Variants in SHISA4 observed in about 807,000 individuals in gnomAD.
The protein encoded by SHISA4 is protein shisa-4.
Under a neutral mutation model 24.2 loss-of-function variants are expected in SHISA4, and 16 were observed. The observed-to-expected ratio is 0.66, with a 90% CI of 0.45 to 1.00. SHISA4 has a LOEUF of 1.00. Ranked by LOEUF, SHISA4 falls within the 50% of genes least tolerant of loss-of-function variation. The pLI, the probability that SHISA4 is intolerant of heterozygous loss-of-function variation, is 0.00. For missense variants in SHISA4, 238 were observed against 258.9 expected (o/e 0.92, Z 0.55); for synonymous variants, 106 against 105.4 (o/e 1.01, Z -0.04).
Position 201,892,226 on chromosome 1 carries a change from G to A in SHISA4, c.*380G>A. 1 of 268,232 alleles carries A rather than the reference G, an allele frequency of 3.7e-6. No individual in the cohort carries two copies. The highest frequency in any genetic ancestry group is 7.2e-6 in the Non-Finnish European group (1 of 139,688). 16.6% of individuals were successfully genotyped at this position (268,232 alleles called of 1,614,324 possible). A position where few individuals can be genotyped will look rare whatever the true frequency, so the allele number is the denominator to read the frequency against. On this transcript the variant is annotated 3_prime_UTR_variant, in exon 5 of 5. Transcript: ENST00000362011. The stretch of plus-strand genomic sequence containing the variant: ...GGGGAGGGAGGAGGTTCCGTCAGCA[G>A]CTGGCAGTAGCCCTCCTCTCTGGCT...
At chr1:201,890,360 A>G in intron 2 of SHISA4, 94 bp from the exon 3 acceptor site, 1 of 1,516,430 alleles carries the variant, frequency 6.6e-7, no homozygotes, top group African/African-American at 1.4e-5. Context: ...TCAGCATGCC[A>G]TGGCCCCCCT....
In SHISA4 at chr1:201,891,350, G is replaced by A. The variant is rs774239710; in HGVS notation, c.380-51G>A. 94 of 1,610,046 alleles carry A rather than the reference G, an allele frequency of 5.8e-5. 1 individual carries two copies. In the South Asian group the frequency reaches 9.1e-4, roughly 16 times the overall value. On this transcript the variant is annotated intron_variant, in intron 3 of 4. Coordinates refer to ENST00000362011, the MANE Select transcript of SHISA4 (RefSeq NM_198149.3). ...TTGGTTTCCTGGGCAGGAGGAGGAG[G>A]CTTCCCATAGGAGATGGGTCTCTGA...
intron 4 of SHISA4, 86 bp from the exon 5 acceptor site, chr1:201,891,714 G>T: frequency 6.4e-7 from 1 of 1,564,504 alleles, no homozygotes; most frequent in Non-Finnish European, 8.8e-7. Context: ...TCTTCCCTAT[G>T]GGTCCTGTCT....
Position 201,891,478 on chromosome 1 carries a change from C to G in SHISA4, c.457C>G (p.Pro153Ala). The change falls in exon 4 of 5, where the codon CCC (proline) becomes GCC (alanine). Residue 153 changes from proline to alanine, a missense_variant. Transcript: ENST00000362011. ...YPQDPKAGPA[P>A]PQPGFIYPPS... ...CCAGGACCCCAAAGCTGGCCCTGCA[C>G]CCCCACAGCCTGGCTTCATATACCC... The G allele has an allele frequency of 6.2e-7, 1 of 1,613,804 alleles. No homozygotes were observed. Among genetic ancestry groups the G allele is most frequent in the Non-Finnish European group, 8.5e-7 (1 of 1,179,854 alleles).
rs1218901188 is a variant in SHISA4 at position 201,889,384 on chromosome 1, G to C, written c.74-61G>C. The C allele has an allele frequency of 5.6e-6, 9 of 1,594,786 alleles. No individual in the cohort carries two copies. The Admixed American group carries it at 1.5e-4, about 27-fold the overall frequency. On this transcript the variant is annotated intron_variant, in intron 1 of 4. Transcript: ENST00000362011. The stretch of plus-strand genomic sequence containing the variant: ...TGGGGACCGCCGGGGGAGTGGGGCC[G>C]AGCGCGGCTGGGGATGAACTGGCCT...
At chr1:201,888,853 C>A (rs115570001), upstream of SHISA4, 1 of 458,036 alleles carries the variant, frequency 2.2e-6, no homozygotes, top group Non-Finnish European at 3.6e-6. Context: ...GCGGGCGGGG[C>A]GCTTAGTCCC....
chr1:201,889,980 A>G (rs1681062871), intron 2 of SHISA4, among the ~76,000 whole-genome samples: 1 of 152,146 alleles, frequency 6.6e-6, no homozygotes, highest in African/African-American at 2.4e-5. Flanking sequence ...CTTGGGTTTG[A>G]TTCCCAGGTC....
At chr1:201,889,662 T>C (rs746589146) in intron 2 of SHISA4, 46 bp downstream of exon 2, 2 of 1,596,926 alleles carry the variant, frequency 1.3e-6, no homozygotes, top group Non-Finnish European at 1.7e-6. Flanking sequence ...TATCCTTTTC[T>C]CCAGAGGCCT....
Position 201,892,563 on chromosome 1 carries a change from T to C in SHISA4, c.*717T>C, listed in dbSNP as rs893234499. Among the ~76,000 whole-genome samples, 2 of 152,204 alleles carry C rather than the reference T, an allele frequency of 1.3e-5. No homozygotes were observed. The highest frequency in any genetic ancestry group is 4.8e-5 in the African/African-American group (2 of 41,454). Reference sequence around the variant, plus strand: ...CGTTTGCACTACAGATATTCCCTGCTAGGGATCAACAGCTCTACAACAGCT... The same window carrying C: ...CGTTTGCACTACAGATATTCCCTGCCAGGGATCAACAGCTCTACAACAGCT... On this transcript the variant is annotated 3_prime_UTR_variant, in exon 5 of 5. Coordinates refer to ENST00000362011, the MANE Select transcript of SHISA4 (RefSeq NM_198149.3).
At chr1:201,890,036 A>G (rs1344132058) in intron 2 of SHISA4, among the ~76,000 whole-genome samples, 1 of 152,112 alleles carries the variant, frequency 6.6e-6, no homozygotes, top group Non-Finnish European at 1.5e-5. Flanking sequence ...CTTGCCTTCT[A>G]TGGGTCATTG....
At chr1:201,889,705 C>T (rs1681057214) in intron 2 of SHISA4, 89 bp downstream of exon 2, 1 of 1,450,568 alleles carries the variant, frequency 6.9e-7, no homozygotes, top group Non-Finnish European at 9.5e-7. Flanking sequence ...CTGCCTCCTC[C>T]GTTGTCGACC....
At chr1:201,890,655 A>T in intron 3 of SHISA4, 68 bp downstream of exon 3, 1 of 1,582,092 alleles carries the variant, frequency 6.3e-7, no homozygotes, top group Non-Finnish European at 8.6e-7. Context: ...GGCAGCAGAG[A>T]GTTCATGGAT....
Position 201,892,192 on chromosome 1 carries a change from C to T in SHISA4, c.*346C>T, listed in dbSNP as rs1681114253. On this transcript the variant is annotated 3_prime_UTR_variant, in exon 5 of 5. Coordinates refer to ENST00000362011, the MANE Select transcript of SHISA4 (RefSeq NM_198149.3). ...GGCCCTACTGTTTGTCCCCTCTGGG[C>T]TGGGGTGGGGGGAGGGAGGAGGTTC... The T allele has an allele frequency of 1.2e-5, 2 of 163,086 alleles. No homozygotes were observed. The highest frequency in any genetic ancestry group is 5.9e-5 in the African/African-American group (1 of 16,812). The allele number at this position is 163,086 out of a possible 1,614,324, so 10.1% of individuals were successfully genotyped here.
chr1:201,889,617 G>A lies in SHISA4; in HGVS notation c.245+1G>A. 3 of 1,612,344 alleles carry A rather than the reference G, an allele frequency of 1.9e-6. No individual in the cohort carries two copies. Among genetic ancestry groups the A allele is most frequent in the African/African-American group, 1.3e-5 (1 of 74,634 alleles). ...AGCAGAAGCACTGCCTGGCCTTCAG[G>A]TGGGTTCCTGCCTCCTCACCCTCAC... On this transcript the variant is annotated splice_donor_variant, in intron 2 of 4. Coordinates refer to ENST00000362011, the MANE Select transcript of SHISA4 (RefSeq NM_198149.3). LOFTEE classifies it high-confidence loss of function.
chr1:201,891,303 G>A, intron 3 of SHISA4, 98 bp from the exon 4 acceptor site: 1 of 1,470,086 alleles, frequency 6.8e-7, no homozygotes, highest in South Asian at 1.2e-5. Flanking sequence ...GCTTGCCAGA[G>A]GCCAGCACCA....
rs1166984136 is a variant in SHISA4 at position 201,891,886 on chromosome 1, A to C, written c.*40A>C. 1 of 1,609,780 alleles carries C rather than the reference A, an allele frequency of 6.2e-7. No homozygotes were observed. Among genetic ancestry groups the C allele is most frequent in the East Asian group, 2.2e-5 (1 of 44,828 alleles). On this transcript the variant is annotated 3_prime_UTR_variant, in exon 5 of 5. Coordinates refer to ENST00000362011, the MANE Select transcript of SHISA4 (RefSeq NM_198149.3). Reference sequence around the variant, plus strand: ...CTCTGCTGCCCCTTCAGTGATGCCAACCTTGGGAGATGCCCTCATCCTGTA... The same window carrying C: ...CTCTGCTGCCCCTTCAGTGATGCCACCCTTGGGAGATGCCCTCATCCTGTA...
At chr1:201,891,096 G>C (rs1224456945) in intron 3 of SHISA4, among the ~76,000 whole-genome samples, 3 of 152,156 alleles carry the variant, frequency 2.0e-5, no homozygotes, top group African/African-American at 7.2e-5. Context: ...CTGGATTACA[G>C]GATACCAGCC....
chr1:201,890,583 T>C lies in SHISA4; in HGVS notation c.375T>C (p.Phe125=), dbSNP rs750055936. ...GGCGCCAGCAGCTCCAGAGCCCATT[T>C]GAAGGTACACCCAGTACTGGGCAAG... ...YRRRQQLQSP[F]EGQEIPMTGI... is the part of the protein sequence containing the mutation. The change falls in exon 3 of 5, where the codon TTT becomes TTC. Residue 125 remains phenylalanine, a synonymous_variant. Transcript: ENST00000362011. 13 of 1,614,058 alleles carry C rather than the reference T, an allele frequency of 8.1e-6. No homozygotes were observed. The East Asian group carries it at 2.7e-4, about 33-fold the overall frequency.
Position 201,889,021 on chromosome 1 carries a change from C to A in SHISA4, c.27C>A (p.Ala9=). ...TGCCACCCGCGGGGCTCCGCCGGGC[C>A]GCGCCGCTCACCGCAATCGCTCTGT... MPPAGLRR[A]APLTAIALLV... The change falls in exon 1 of 5, where the codon GCC becomes GCA. Residue 9 remains alanine, a synonymous_variant. Transcript: ENST00000362011. 1 of 1,381,562 alleles carries A rather than the reference C, an allele frequency of 7.2e-7. No individual in the cohort carries two copies. Among genetic ancestry groups the A allele is most frequent in the Non-Finnish European group, 9.4e-7 (1 of 1,068,140 alleles). The allele number at this position is 1,381,562 out of a possible 1,614,324, so 85.6% of individuals were successfully genotyped here. A position where few individuals can be genotyped will look rare whatever the true frequency, so the allele number is the denominator to read the frequency against.
Sources: gnomAD v4.1 joint callset for allele counts (sites outside exome capture counted in the v4.1 genomes callset) on GRCh38, gnomAD v4.1.1 for gene constraint, MANE v1.5 for transcripts, NCBI Gene and HGNC (gene_info 2026-07-23, HGNC 2026-07-21) for gene names.